Variants in WWOX observed in about 807,000 individuals in gnomAD.
WWOX encodes the protein WW domain-containing oxidoreductase.
Under a neutral mutation model 46.2 loss-of-function variants are expected in WWOX, and 69 were observed. The observed-to-expected ratio is 1.49, with a 90% CI of 1.23 to 1.82. The LOEUF (loss-of-function observed/expected upper bound fraction) is 1.82. Ranked by LOEUF, WWOX falls within the 40% of genes most tolerant of loss-of-function variation. WWOX has a pLI of 0.00. For missense variants in WWOX, 919 were observed against 542.6 expected (o/e 1.69, Z -6.89); for synonymous variants, 359 against 202.6 (o/e 1.77, Z -6.56).
intron 8 of WWOX, among the ~76,000 whole-genome samples, chr16:78,648,603 C>T (rs1052081940): frequency 4.6e-5 from 7 of 152,158 alleles, no homozygotes; most frequent in African/African-American, 1.4e-4. Flanking sequence ...CCACTTCCAA[C>T]GCAGGACCAA....
chr16:79,193,661 G>C (rs1035859359), intron 8 of WWOX, among the ~76,000 whole-genome samples: 1 of 152,092 alleles, frequency 6.6e-6, no homozygotes, highest in African/African-American at 2.4e-5. Flanking sequence ...TCTTACTGCC[G>C]GTCACCTAGC....
At chr16:79,141,008 C>A (rs1157812576) in intron 8 of WWOX, among the ~76,000 whole-genome samples, 1 of 152,162 alleles carries the variant, frequency 6.6e-6, no homozygotes, top group Non-Finnish European at 1.5e-5. Context: ...TAGAAAGGAC[C>A]TGTGAAAGGA....
intron 8 of WWOX, among the ~76,000 whole-genome samples, chr16:78,806,118 G>A (rs2051029786): frequency 6.6e-6 from 1 of 152,120 alleles, no homozygotes; most frequent in Non-Finnish European, 1.5e-5. Context: ...ATATTCATTA[G>A]GCTGTCTGTT....
At chr16:78,887,456 C>G (rs1050320311) in intron 8 of WWOX, among the ~76,000 whole-genome samples, 1 of 138,278 alleles carries the variant, frequency 7.2e-6, no homozygotes, top group Non-Finnish European at 1.5e-5. Flanking sequence ...ATGAAGGCAA[C>G]AAAGTATATA....
intron 8 of WWOX, among the ~76,000 whole-genome samples, chr16:78,970,603 A>G (rs2046450806): frequency 6.6e-6 from 1 of 152,234 alleles, no homozygotes; most frequent in Non-Finnish European, 1.5e-5. Flanking sequence ...AAGGAACAGT[A>G]TGAGGAAAGT....
intron 8 of WWOX, among the ~76,000 whole-genome samples, chr16:78,841,357 G>T (rs2151169056): frequency 6.6e-6 from 1 of 152,318 alleles, no homozygotes; most frequent in Non-Finnish European, 1.5e-5. Flanking sequence ...ATAGTTGGGT[G>T]CTAGACATGC....
chr16:78,625,850 C>G (rs1946363148), intron 8 of WWOX, among the ~76,000 whole-genome samples: 1 of 146,224 alleles, frequency 6.8e-6, no homozygotes, highest in South Asian at 2.1e-4. Flanking sequence ...TTTGCCGTTA[C>G]TTAAAATTGC....
At chr16:79,163,841 G>A (rs1567591790) in intron 8 of WWOX, among the ~76,000 whole-genome samples, 1 of 145,404 alleles carries the variant, frequency 6.9e-6, no homozygotes, top group East Asian at 2.2e-4. Flanking sequence ...AGGTCAGAGG[G>A]GGAAAAGAGA....
intron 8 of WWOX, among the ~76,000 whole-genome samples, chr16:79,208,260 T>G (rs959118840): frequency 6.6e-6 from 1 of 152,178 alleles, no homozygotes. Flanking sequence ...TCCCAGAAAT[T>G]CTCAGTCCTG....
At chr16:78,523,659 G>T (rs749103863) in intron 8 of WWOX, among the ~76,000 whole-genome samples, 24 of 152,192 alleles carry the variant, frequency 1.6e-4, no homozygotes, top group Admixed American at 7.9e-4. Context: ...ATGTGGTACA[G>T]TGTGTGCTTC....
intron 8 of WWOX, among the ~76,000 whole-genome samples, chr16:78,663,467 C>T (rs1050771825): frequency 3.9e-5 from 6 of 152,112 alleles, no homozygotes; most frequent in East Asian, 1.9e-4. Flanking sequence ...AATAATACTG[C>T]GATATGAACA....
intron 8 of WWOX, among the ~76,000 whole-genome samples, chr16:78,515,999 TTTCTC>T (rs1313786036): frequency 6.6e-6 from 1 of 151,942 alleles, no homozygotes; most frequent in African/African-American, 2.4e-5. Flanking sequence ...TTGTCCCCCT[TTTCTC>T]TTCTCTCCCC....
chr16:79,032,877 C>A (rs2656643), intron 8 of WWOX, among the ~76,000 whole-genome samples: 18,849 of 151,174 alleles, frequency 0.12, 1,279 homozygotes, highest in African/African-American at 0.17. Flanking sequence ...GGTATTAAGC[C>A]TAGTGCCCAT....
chr16:78,356,333 A>C (rs2081290337), intron 5 of WWOX, among the ~76,000 whole-genome samples: 1 of 151,686 alleles, frequency 6.6e-6, no homozygotes, highest in South Asian at 2.1e-4. Context: ...CAAAATACTC[A>C]ACTTGTTTAA....
chr16:78,129,266 C>G (rs892170075), intron 4 of WWOX, among the ~76,000 whole-genome samples: 2 of 149,252 alleles, frequency 1.3e-5, no homozygotes, highest in Non-Finnish European at 3.0e-5. Flanking sequence ...TAGTGATTGA[C>G]TTACCCGAGT....
At chr16:78,199,734 A>AT (rs1760556831) in intron 5 of WWOX, among the ~76,000 whole-genome samples, 1 of 152,126 alleles carries the variant, frequency 6.6e-6, no homozygotes, top group Non-Finnish European at 1.5e-5. Flanking sequence ...CCCCCTTCCC[A>AT]TAAAAAAAAT....
intron 8 of WWOX, among the ~76,000 whole-genome samples, chr16:78,741,187 A>C (rs1434507995): frequency 6.6e-6 from 1 of 152,210 alleles, no homozygotes; most frequent in Non-Finnish European, 1.5e-5. Context: ...TTTATCCCAC[A>C]AAGCCTAGAA....
intron 8 of WWOX, among the ~76,000 whole-genome samples, chr16:79,021,850 C>G (rs772530571): frequency 2.0e-5 from 3 of 152,158 alleles, no homozygotes; most frequent in Non-Finnish European, 2.9e-5. Flanking sequence ...CACATACACA[C>G]AAAAAGTGCC....
At chr16:78,378,990 C>T (rs964925625) in intron 5 of WWOX, among the ~76,000 whole-genome samples, 1 of 152,154 alleles carries the variant, frequency 6.6e-6, no homozygotes, top group Non-Finnish European at 1.5e-5. Flanking sequence ...ACGACATGAG[C>T]ATTGGAACCA....
Sources: gnomAD v4.1 joint callset for allele counts (sites outside exome capture counted in the v4.1 genomes callset) on GRCh38, gnomAD v4.1.1 for gene constraint, MANE v1.5 for transcripts, NCBI Gene and HGNC (gene_info 2026-07-23, HGNC 2026-07-21) for gene names.